KIR2DL4: variants seen among roughly 807,000 people sequenced by gnomAD.
KIR2DL4 encodes killer cell immunoglobulin like receptor, two Ig domains and long cytoplasmic tail 4, also known as killer cell immunoglobulin-like receptor 2DL4.
In KIR2DL4, 41 loss-of-function variants were observed where a neutral mutation model predicts 31.0. That is an observed-to-expected ratio of 1.32 (90% CI 1.03 to 1.72). The LOEUF is 1.72. KIR2DL4 is among the 40% of genes most tolerant of loss of function. The pLI is 0.00. For synonymous variants in KIR2DL4, 164 were observed against 133.6 expected (o/e 1.23, Z -1.57); for missense variants, 438 against 353.7 (o/e 1.24, Z -1.91).
chr19:54,811,367 C>T (rs2060857417), intron 5 of KIR2DL4, among the ~76,000 whole-genome samples: 1 of 151,180 alleles, frequency 6.6e-6, no homozygotes. Flanking sequence ...CATTGCACTG[C>T]ACCCTAGGTG....
intron 1 of KIR2DL4, 72 bp downstream of exon 1, chr19:54,803,763 A>G: frequency 2.5e-6 from 4 of 1,580,392 alleles, no homozygotes; most frequent in Non-Finnish European, 3.5e-6. Context: ...CCCAGCAGAG[A>G]GCCATGTTCT....
At chr19:54,808,776 A>G (rs200769342) in intron 4 of KIR2DL4, 57 bp from the exon 5 acceptor site, 44 of 1,250,356 alleles carry the variant, frequency 3.5e-5, no homozygotes, top group Non-Finnish European at 4.5e-5. Flanking sequence ...AAAGATTTCC[A>G]TTGAGTAGAA....
In KIR2DL4 at chr19:54,805,019, C is replaced by T. The variant is rs2147883744; in HGVS notation, c.303C>T (p.His101=). Residue 101 remains histidine (H), a synonymous_variant, in exon 3 of 8, where the codon CAC becomes CAT. Coordinates refer to ENST00000359085, the Ensembl canonical transcript of KIR2DL4. ...GGACCTACAGATGTCGAGGTTTTCACCCGCACTCCCCCACTGAGTGGTCGG... is the reference window on the plus strand; with the variant it reads ...GGACCTACAGATGTCGAGGTTTTCATCCGCACTCCCCCACTGAGTGGTCGG... 2.5e-6 allele frequency: 4 copies of T among 1,611,302 alleles called. No homozygotes were observed. In the East Asian group the frequency reaches 8.9e-5, roughly 36 times the overall value.
In KIR2DL4 at chr19:54,812,140, C is replaced by G. The variant is rs1302009146; in HGVS notation, c.707-985C>G. Reference sequence around the variant, plus strand: ...ACTCTAAACACCTCCCATACTGCACCTGGGGCTGTGCCAATTTCTATCACT... The same window carrying G: ...ACTCTAAACACCTCCCATACTGCACGTGGGGCTGTGCCAATTTCTATCACT... On this transcript the variant is annotated intron_variant, in intron 5 of 7. Transcript: ENST00000359085. Among the ~76,000 whole-genome samples, 9 of 151,186 alleles carry G rather than the reference C, an allele frequency of 6.0e-5. 1 individual carries two copies. Among genetic ancestry groups the G allele is most frequent in the African/African-American group, 2.2e-4 (9 of 40,846 alleles).
Position 54,813,113 on chromosome 19 carries a change from A to G in KIR2DL4, c.707-12A>G, listed in dbSNP as rs1341248825. On this transcript the variant is annotated splice_polypyrimidine_tract_variant and intron_variant, in intron 5 of 7. Coordinates refer to ENST00000359085, the Ensembl canonical transcript of KIR2DL4. Reference sequence around the variant, plus strand: ...ATGGTTAGCTTCTTATTGGATTCCCATCTTCCTCCAGGTATCGCCAGACAC... The same window carrying G: ...ATGGTTAGCTTCTTATTGGATTCCCGTCTTCCTCCAGGTATCGCCAGACAC... The G allele has an allele frequency of 2.3e-5, 33 of 1,436,478 alleles. 1 individual carries two copies. In the East Asian group the frequency reaches 3.1e-4, roughly 14 times the overall value. 89.0% of individuals were successfully genotyped at this position (1,436,478 alleles called of 1,614,324 possible). A position where few individuals can be genotyped will look rare whatever the true frequency, so the allele number is the denominator to read the frequency against.
Position 54,806,256 on chromosome 19 carries a change from C to T in KIR2DL4, c.655+12C>T, listed in dbSNP as rs1458545263. On this transcript the variant is annotated intron_variant, in intron 4 of 7. Coordinates refer to ENST00000359085, the Ensembl canonical transcript of KIR2DL4. ...TGTTTCTGTCACAGGTGAGGAAAGC[C>T]AATGTCTGTCCCATGTCCTATGGTC... 1.9e-6 allele frequency: 3 copies of T among 1,606,292 alleles called. No individual in the cohort carries two copies. Among genetic ancestry groups the T allele is most frequent in the African/African-American group, 1.4e-5 (1 of 73,760 alleles).
At chr19:54,807,159 G>A (rs1933137237) in intron 4 of KIR2DL4, among the ~76,000 whole-genome samples, 2 of 151,024 alleles carry the variant, frequency 1.3e-5, no homozygotes, top group South Asian at 4.2e-4. Flanking sequence ...GGCAATCCTT[G>A]TAATGACCTC....
exon 8 of KIR2DL4, chr19:54,814,033 G>A: frequency 6.2e-7 from 1 of 1,612,318 alleles, no homozygotes; most frequent in Non-Finnish European, 8.5e-7. Flanking sequence ...GTCAGGCCTT[G>A]ATGGGATCTT....
chr19:54,810,929 G>A (rs2060830855), intron 5 of KIR2DL4, among the ~76,000 whole-genome samples: 1 of 150,860 alleles, frequency 6.6e-6, no homozygotes, highest in Non-Finnish European at 1.5e-5. Flanking sequence ...CACAAGATGT[G>A]TTTGTGAGGT....
chr19:54,814,048 G>A, exon 8 of KIR2DL4: 1 of 1,612,140 alleles, frequency 6.2e-7, no homozygotes, highest in Non-Finnish European at 8.5e-7. Context: ...GATCTTCTAG[G>A]GAGACAACAG....
chr19:54,813,559 T>C (rs1016832742), intron 6 of KIR2DL4, 131 bp from the exon 6 acceptor site: 42 of 932,606 alleles, frequency 4.5e-5, no homozygotes, highest in Non-Finnish European at 6.8e-5. Context: ...AGATGGAATG[T>C]CTGAGTCTGG....
chr19:54,807,750 T>C (rs1164314560), intron 4 of KIR2DL4, among the ~76,000 whole-genome samples: 1 of 149,262 alleles, frequency 6.7e-6, no homozygotes, highest in Non-Finnish European at 1.5e-5. Flanking sequence ...TTTTTAGTTT[T>C]TAAGGAACTT....
chr19:54,811,256 G>T (rs1311836038), intron 5 of KIR2DL4, among the ~76,000 whole-genome samples: 2 of 150,724 alleles, frequency 1.3e-5, no homozygotes, highest in African/African-American at 4.9e-5. Context: ...AAACTAGCTG[G>T]GGGTGGTGGC....
In KIR2DL4 at chr19:54,806,132, CT is replaced by C. The variant is rs2060511420; in HGVS notation, c.545del (p.Phe182SerfsTer63). ...GCATCAATGGAACATTCCAGGCCGA[CT>C]TCCCTCTGGGTCCTGCCACCCACGG... On this transcript the variant is annotated frameshift_variant, in exon 4 of 8. Coordinates refer to ENST00000359085, the Ensembl canonical transcript of KIR2DL4. LOFTEE classifies it high-confidence loss of function. The C allele has an allele frequency of 3.7e-6, 6 of 1,612,108 alleles. No homozygotes were observed. The Admixed American group carries it at 8.4e-5, about 22-fold the overall frequency.
At chr19:54,814,056 C>G (rs767890337) in exon 8 of KIR2DL4, 1 of 1,612,170 alleles carries the variant, frequency 6.2e-7, no homozygotes, top group African/African-American at 1.3e-5. Context: ...AGGGAGACAA[C>G]AGCCCTGTCT....
exon 8 of KIR2DL4, chr19:54,814,336 A>G (rs1601248289): frequency 1.2e-5 from 7 of 565,120 alleles, no homozygotes; most frequent in Admixed American, 9.3e-5. Context: ...GGAACTCACA[A>G]TTCCAAACAT....
At chr19:54,809,739 G>A (rs1601188525) in intron 5 of KIR2DL4, among the ~76,000 whole-genome samples, 2 of 151,304 alleles carry the variant, frequency 1.3e-5, no homozygotes, top group East Asian at 3.9e-4. Flanking sequence ...TCTGAATGCT[G>A]CTCTGCCTTC....
At chr19:54,806,787 C>G (rs2060557482) in intron 4 of KIR2DL4, among the ~76,000 whole-genome samples, 2 of 150,234 alleles carry the variant, frequency 1.3e-5, no homozygotes, top group Admixed American at 1.3e-4. Flanking sequence ...GCAGGTGGAT[C>G]ATTTAAAATC....
intron 4 of KIR2DL4, among the ~76,000 whole-genome samples, chr19:54,806,454 C>A (rs1283067234): frequency 6.6e-6 from 1 of 151,046 alleles, no homozygotes; most frequent in Non-Finnish European, 1.5e-5. Flanking sequence ...GCTCCGGGTA[C>A]CCAGGCAGAT....
Sources: gnomAD v4.1 joint callset for allele counts (sites outside exome capture counted in the v4.1 genomes callset) on GRCh38, gnomAD v4.1.1 for gene constraint, MANE v1.5 for transcripts, NCBI Gene and HGNC (gene_info 2026-07-23, HGNC 2026-07-21) for gene names.